PDE7A: variants seen among roughly 807,000 people sequenced by gnomAD.
PDE7A encodes the protein high affinity 3',5'-cyclic-AMP phosphodiesterase 7A.
Under a neutral mutation model 64.3 loss-of-function variants are expected in PDE7A, and 39 were observed. The ratio of observed to expected loss-of-function variants is 0.61; its 90% confidence interval spans 0.47 to 0.79. The LOEUF (loss-of-function observed/expected upper bound fraction) is 0.79, where lower values mean the gene tolerates loss of function less well. Among genes scored for constraint, PDE7A ranks in the 30% least tolerant of loss-of-function variants. The pLI, the probability that PDE7A is intolerant of heterozygous loss-of-function variation, is 0.00. For missense variants in PDE7A, 470 were observed against 582.8 expected (o/e 0.81, Z 1.99); for synonymous variants, 203 against 206.8 (o/e 0.98, Z 0.16).
intron 3 of PDE7A, among the ~76,000 whole-genome samples, chr8:65,752,841 ATTTG>A (rs1018298503): frequency 6.6e-6 from 1 of 152,040 alleles, no homozygotes; most frequent in African/African-American, 2.4e-5. Flanking sequence ...CTTTTTAACT[ATTTG>A]TTTGCTTTTC....
At chr8:65,802,842 C>T (rs1013551998) in intron 1 of PDE7A, among the ~76,000 whole-genome samples, 1 of 152,158 alleles carries the variant, frequency 6.6e-6, no homozygotes, top group African/African-American at 2.4e-5. Flanking sequence ...GTGTTTGGAT[C>T]ATGGGGGTGG....
chr8:65,715,251 A>G lies in PDE7A; in HGVS notation c.*4039T>C, dbSNP rs891536748. On this transcript the variant is annotated 3_prime_UTR_variant, in exon 13 of 13. Transcript: ENST00000401827. ...ATATAGGTCGTATTTAAGTGGAGCT[A>G]TAGGCCTGATGCAGTGTCTCACACC... Among the ~76,000 whole-genome samples the G allele has an allele frequency of 2.6e-5, 4 of 152,148 alleles. No individual in the cohort carries two copies. Among genetic ancestry groups the G allele is most frequent in the African/African-American group, 9.7e-5 (4 of 41,410 alleles).
chr8:65,740,000 C>T (rs1807336745), intron 5 of PDE7A, among the ~76,000 whole-genome samples: 1 of 152,142 alleles, frequency 6.6e-6, no homozygotes, highest in African/African-American at 2.4e-5. Context: ...AACTGACTGC[C>T]CCAGAGCACA....
chr8:65,737,643 C>T (rs1194093092), intron 6 of PDE7A, among the ~76,000 whole-genome samples: 6 of 152,220 alleles, frequency 3.9e-5, no homozygotes, highest in Non-Finnish European at 7.4e-5. Flanking sequence ...CTCAGCCTCC[C>T]GAGTAGGTAG....
At chr8:65,791,506 C>T (rs1809701817) in intron 1 of PDE7A, among the ~76,000 whole-genome samples, 1 of 152,182 alleles carries the variant, frequency 6.6e-6, no homozygotes, top group African/African-American at 2.4e-5. Flanking sequence ...CACAATGGTC[C>T]ATGAAGGGAA....
chr8:65,784,954 T>G (rs1176948048), intron 1 of PDE7A, among the ~76,000 whole-genome samples: 1 of 151,992 alleles, frequency 6.6e-6, no homozygotes, highest in Non-Finnish European at 1.5e-5. Flanking sequence ...GATTTACAAC[T>G]CCTCAACATA....
chr8:65,735,747 A>C (rs1161196711), intron 6 of PDE7A, among the ~76,000 whole-genome samples: 1 of 151,942 alleles, frequency 6.6e-6, no homozygotes, highest in African/African-American at 2.4e-5. Flanking sequence ...CGCCTCAGCC[A>C]CCCGAGTAGC....
chr8:65,782,891 C>G, intron 1 of PDE7A, 48 bp from the exon 2 acceptor site: 2 of 1,046,412 alleles, frequency 1.9e-6, no homozygotes, highest in South Asian at 1.4e-5. Context: ...AAATATGATA[C>G]AAAATTCAAC....
chr8:65,747,692 G>T lies in PDE7A; in HGVS notation c.395C>A (p.Ser132Tyr). Residue 132 changes from serine to tyrosine, a missense_variant, in exon 4 of 13, where the codon TCC (serine) becomes TAC (tyrosine). Ser to Tyr is a moderately radical substitution (Grantham distance 144). Coordinates refer to ENST00000401827, the MANE Select transcript of PDE7A (RefSeq NM_001242318.3). ...RFFRGTAVSN[S>Y]LNILDDDYNG... ...ATAATCATCATCTAAAATGTTTAGGGAATTTGAAACCGCAGTACCACGAAA... is the reference window on the plus strand; with the variant it reads ...ATAATCATCATCTAAAATGTTTAGGTAATTTGAAACCGCAGTACCACGAAA... The T allele has an allele frequency of 6.2e-7, 1 of 1,611,198 alleles. No homozygotes were observed. Among genetic ancestry groups the T allele is most frequent in the Non-Finnish European group, 8.5e-7 (1 of 1,178,008 alleles).
At chr8:65,839,927 T>C (rs1811038354) in intron 1 of PDE7A, among the ~76,000 whole-genome samples, 1 of 152,226 alleles carries the variant, frequency 6.6e-6, no homozygotes, top group African/African-American at 2.4e-5. Flanking sequence ...TTGCCTTTAT[T>C]ATTCAGACAT....
chr8:65,830,859 T>C (rs1271700246), intron 1 of PDE7A, among the ~76,000 whole-genome samples: 2 of 151,950 alleles, frequency 1.3e-5, no homozygotes, highest in Non-Finnish European at 1.5e-5. Flanking sequence ...AAATATAACA[T>C]GATTGATAAA....
chr8:65,814,322 T>A (rs1810331146), intron 1 of PDE7A, among the ~76,000 whole-genome samples: 1 of 151,050 alleles, frequency 6.6e-6, no homozygotes, highest in African/African-American at 2.4e-5. Flanking sequence ...CCATCCCGGC[T>A]AAAACGGTGA....
chr8:65,810,939 T>C (rs1258951763), intron 1 of PDE7A, among the ~76,000 whole-genome samples: 1 of 152,200 alleles, frequency 6.6e-6, no homozygotes, highest in Non-Finnish European at 1.5e-5. Flanking sequence ...TATTATAGTT[T>C]GCCCACATAC....
At chr8:65,769,343 G>T (rs764812312) in intron 3 of PDE7A, among the ~76,000 whole-genome samples, 10 of 150,570 alleles carry the variant, frequency 6.6e-5, no homozygotes, top group Non-Finnish European at 1.5e-4. Context: ...TCTGAGAAAT[G>T]ACTTAACTTA....
At chr8:65,784,988 A>C (rs575361994) in intron 1 of PDE7A, among the ~76,000 whole-genome samples, 23 of 152,126 alleles carry the variant, frequency 1.5e-4, no homozygotes, top group Non-Finnish European at 2.9e-4. Context: ...CCAAAAAAAA[A>C]ATCACATTTT....
At chr8:65,734,460 C>G (rs933518489) in intron 7 of PDE7A, among the ~76,000 whole-genome samples, 2 of 152,242 alleles carry the variant, frequency 1.3e-5, no homozygotes, top group Non-Finnish European at 1.5e-5. Flanking sequence ...TGCCTCCTCT[C>G]TGTAGCTCCT....
At chr8:65,823,603 A>G (rs1810594794) in intron 1 of PDE7A, among the ~76,000 whole-genome samples, 1 of 152,184 alleles carries the variant, frequency 6.6e-6, no homozygotes, top group East Asian at 1.9e-4. Context: ...ACGCATAAAA[A>G]TTTTTCCCTC....
intron 3 of PDE7A, among the ~76,000 whole-genome samples, chr8:65,761,872 A>G (rs1242611203): frequency 1.3e-5 from 2 of 152,208 alleles, no homozygotes; most frequent in Admixed American, 1.3e-4. Context: ...AAGAACCAAC[A>G]CAACTGGAGC....
intron 1 of PDE7A, among the ~76,000 whole-genome samples, chr8:65,812,705 A>C (rs970938987): frequency 1.3e-5 from 2 of 152,226 alleles, no homozygotes; most frequent in Admixed American, 6.5e-5. Flanking sequence ...CAATGCAACA[A>C]GATAATGGCC....
Sources: allele counts gnomAD v4.1 joint callset (sites outside exome capture counted in the v4.1 genomes callset), GRCh38; gene constraint gnomAD v4.1.1; transcripts MANE v1.5; gene names NCBI Gene and HGNC (gene_info 2026-07-23, HGNC 2026-07-21).